PCDHGA4: variants seen among roughly 807,000 people sequenced by gnomAD.
PCDHGA4 encodes protocadherin gamma subfamily A, 4, also known as protocadherin gamma-A4.
In PCDHGA4, 38 loss-of-function variants were observed where a neutral mutation model predicts 54.6. The observed-to-expected ratio is 0.70, with a 90% CI of 0.54 to 0.91. The LOEUF is 0.91. Ranked by LOEUF, PCDHGA4 falls within the 40% of genes least tolerant of loss-of-function variation. The pLI, the probability that PCDHGA4 is intolerant of heterozygous loss-of-function variation, is 0.00. For synonymous variants in PCDHGA4, 511 were observed against 512.9 expected, an observed-to-expected ratio of 1.00 and a Z score of 0.05; for missense variants, 1,298 against 1,220.9, an observed-to-expected ratio of 1.06 and a Z score of -0.94.
At chr5:141,366,497 C>G in intron 1 of PCDHGA4, 1 of 1,614,254 alleles carries the variant, frequency 6.2e-7, no homozygotes, top group South Asian at 1.1e-5. Context: ...GCACAAGTCA[C>G]GCCTGCTTCA....
chr5:141,392,791 G>T, intron 1 of PCDHGA4: 1 of 1,557,836 alleles, frequency 6.4e-7, no homozygotes, highest in Non-Finnish European at 8.7e-7. Flanking sequence ...AAGATTCTGA[G>T]AGGATTCTGC....
chr5:141,389,487 C>T (rs997165354), intron 1 of PCDHGA4: 2 of 1,612,906 alleles, frequency 1.2e-6, no homozygotes, highest in African/African-American at 1.3e-5. Context: ...GGCCCGCGAC[C>T]AGGGCTCGCC....
rs911954966 is a variant in PCDHGA4, at chr5:141,491,081, C to G, written c.2515-3726C>G. On this transcript the variant is annotated intron_variant, in intron 1 of 3. Coordinates refer to ENST00000571252, the MANE Select transcript of PCDHGA4 (RefSeq NM_018917.4). This position sits in a 1 kb window ranked among gnomAD's most constrained non-coding sequence, Gnocchi z 6.9. ...TCCTACTCACTGTTGCCACAGTCCACAGCCCCAGGACTGTTCCTCGTGTCT... is the reference window on the plus strand; with the variant it reads ...TCCTACTCACTGTTGCCACAGTCCAGAGCCCCAGGACTGTTCCTCGTGTCT... The G allele has an allele frequency of 4.3e-6, 7 of 1,614,176 alleles. No individual in the cohort carries two copies. Among genetic ancestry groups the G allele is most frequent in the Non-Finnish European group, 5.9e-6 (7 of 1,180,010 alleles).
intron 1 of PCDHGA4, among the ~76,000 whole-genome samples, chr5:141,469,103 C>G (rs949254605): frequency 6.6e-6 from 1 of 151,844 alleles, no homozygotes; most frequent in Non-Finnish European, 1.5e-5. Flanking sequence ...AAAGCAAGAA[C>G]CTGTCTCTAA....
At chr5:141,403,219 G>A in intron 1 of PCDHGA4, 1 of 1,613,980 alleles carries the variant, frequency 6.2e-7, no homozygotes, top group South Asian at 1.1e-5. Flanking sequence ...CCGCGGGTAG[G>A]ATAGACCGGG....
At chr5:141,433,347 C>T (rs1207853986) in intron 1 of PCDHGA4, 3 of 626,596 alleles carry the variant, frequency 4.8e-6, no homozygotes, top group Non-Finnish European at 8.3e-6. Context: ...GTGCAAGCCA[C>T]CTACTGTCTG....
Position 141,426,915 on chromosome 5 carries a change from G to A in PCDHGA4, c.2515-67892G>A, listed in dbSNP as rs143411146. On this transcript the variant is annotated intron_variant, in intron 1 of 3. Coordinates refer to ENST00000571252, the MANE Select transcript of PCDHGA4 (RefSeq NM_018917.4). ...ACAGAGCTCTCATCTCCTGGTCCTG[G>A]AAGCAATGGACATGGGTGACCCAGT... 1,737 of 456,738 alleles carry A rather than the reference G, an allele frequency of 3.8e-3. 17 individuals carry two copies. Among genetic ancestry groups the A allele is most frequent in the Admixed American group, 0.01 (426 of 42,586 alleles). The allele number at this position is 456,738 out of a possible 1,614,324, so 28.3% of individuals were successfully genotyped here.
chr5:141,361,717 T>G, intron 1 of PCDHGA4: 1 of 1,613,366 alleles, frequency 6.2e-7, no homozygotes, highest in Admixed American at 1.7e-5. Context: ...GCTGCGCGCC[T>G]TCGAGCTCAC....
chr5:141,381,188 T>G (rs1271101708), intron 1 of PCDHGA4, among the ~76,000 whole-genome samples: 1 of 152,222 alleles, frequency 6.6e-6, no homozygotes, highest in Non-Finnish European at 1.5e-5. Context: ...GAAGTTAAGC[T>G]TTCTTAGTGT....
chr5:141,509,300 G>A (rs987250093), intron 3 of PCDHGA4, among the ~76,000 whole-genome samples: 5 of 152,216 alleles, frequency 3.3e-5, no homozygotes, highest in African/African-American at 1.2e-4. Flanking sequence ...GGTGGAGGCA[G>A]AGGGAGGCTG....
At chr5:141,439,506 C>G (rs2098117403) in intron 1 of PCDHGA4, among the ~76,000 whole-genome samples, 1 of 152,234 alleles carries the variant, frequency 6.6e-6, no homozygotes, top group Non-Finnish European at 1.5e-5. Flanking sequence ...GTCTTTCTCT[C>G]TGCTCTCAAC....
At chr5:141,393,512 G>A in intron 1 of PCDHGA4, 1 of 1,613,996 alleles carries the variant, frequency 6.2e-7, no homozygotes, top group Non-Finnish European at 8.5e-7. Flanking sequence ...TGACAGTGTT[G>A]GATACAAATG....
intron 1 of PCDHGA4, chr5:141,383,630 T>C: frequency 6.2e-7 from 1 of 1,613,986 alleles, no homozygotes; most frequent in Non-Finnish European, 8.5e-7. Context: ...GTCTTCTCTC[T>C]GCCTCAGTAC....
chr5:141,400,789 C>G (rs1415192979), intron 1 of PCDHGA4: 1 of 561,844 alleles, frequency 1.8e-6, no homozygotes, highest in Non-Finnish European at 3.1e-6. Context: ...TTTTTGTCCT[C>G]TTTCTCAAAG....
chr5:141,501,345 A>G (rs2099808580), intron 2 of PCDHGA4, among the ~76,000 whole-genome samples: 2 of 150,582 alleles, frequency 1.3e-5, no homozygotes, highest in East Asian at 1.9e-4. Context: ...CCCAAACTCA[A>G]TAGGGCAAGA....
intron 1 of PCDHGA4, chr5:141,411,714 G>C (rs889829564): frequency 6.6e-6 from 1 of 152,420 alleles, no homozygotes; most frequent in Middle Eastern, 3.1e-3. Context: ...AGACTCCATC[G>C]CTACAGAACA....
intron 1 of PCDHGA4, among the ~76,000 whole-genome samples, chr5:141,358,475 A>T (rs1760927848): frequency 6.6e-6 from 1 of 152,214 alleles, no homozygotes; most frequent in Admixed American, 6.5e-5. Flanking sequence ...TTGTGAGTTT[A>T]ACTTTTAGAT....
intron 1 of PCDHGA4, among the ~76,000 whole-genome samples, chr5:141,456,876 T>C (rs188356008): frequency 1.5e-3 from 222 of 152,196 alleles, no homozygotes; most frequent in African/African-American, 5.2e-3. Flanking sequence ...GGCAGGAGAA[T>C]CGCTTGAACC....
chr5:141,389,975 C>A (rs1318416407), intron 1 of PCDHGA4: 1 of 1,614,060 alleles, frequency 6.2e-7, no homozygotes, highest in Non-Finnish European at 8.5e-7. Flanking sequence ...TGGCCTTGAT[C>A]TCAGTGCTCT....
Sources: gnomAD v4.1 joint callset for allele counts (sites outside exome capture counted in the v4.1 genomes callset) on GRCh38, gnomAD v4.1.1 for gene constraint, Gnocchi (gnomAD v3.1) non-coding constraint, MANE v1.5 for transcripts, NCBI Gene and HGNC (gene_info 2026-07-23, HGNC 2026-07-21) for gene names.